The following FBXL18 variants were observed in gnomAD, a reference collection of about 807,000 sequenced individuals.
FBXL18 encodes the protein F-box and leucine rich repeat protein 18, also known as F-box/LRR-repeat protein 18.
A neutral mutation model predicts 46.0 loss-of-function variants in FBXL18; 36 were observed. The ratio of observed to expected loss-of-function variants is 0.78; its 90% CI spans 0.60 to 1.03. The LOEUF is 1.03. FBXL18 is among the 50% of genes least tolerant of loss of function. The pLI is 0.00. For missense variants in FBXL18, 977 were observed against 1,004.1 expected (o/e 0.97, Z 0.36); for synonymous variants, 557 against 465.3 (o/e 1.20, Z -2.54).
chr7:5,455,379 C>T lies in FBXL18; in HGVS notation c.2001-7536G>A, dbSNP rs529416227. Among the ~76,000 whole-genome samples, 72 of 151,950 alleles carry T rather than the reference C, an allele frequency of 4.7e-4. No homozygotes were observed. Among genetic ancestry groups the T allele is most frequent in the African/African-American group, 1.7e-3 (71 of 41,440 alleles). On this transcript the variant is annotated intron_variant and NMD_transcript_variant, in intron 4 of 6. Transcript: ENST00000415009. The surrounding 1 kb of genome is among the most constrained non-coding windows in gnomAD (Gnocchi z 4.6). ...CTCAGGCCACATACTTGGGGAGCACCCTCAGGGAAGTACTCTAGGGAGTAC... is the reference window on the plus strand; with the variant it reads ...CTCAGGCCACATACTTGGGGAGCACTCTCAGGGAAGTACTCTAGGGAGTAC...
intron 4 of FBXL18, among the ~76,000 whole-genome samples, chr7:5,468,996 TGA>T (rs371328706): frequency 0.092 from 2,001 of 21,824 alleles, 44 homozygotes; most frequent in African/African-American, 0.2. Flanking sequence ...GTGTGTGAAT[TGA>T]GAGTGTGTGG....
rs748154489 is a variant in FBXL18, at chr7:5,501,631, A to G, written c.638T>C (p.Leu213Pro). The change falls in exon 3 of 5, where the codon CTC (leucine) becomes CCC (proline). Residue 213 changes from leucine to proline, a missense_variant. Transcript: ENST00000382368. ...CTGGCCCACCATAAGCTGGCCCGAG[A>G]GGATGGCGCCCTCGCGCGTGCGGTC... is the stretch of plus-strand genomic sequence containing the variant. ...ILDRTREGAI[L>P]SGQLMVGQSN... 6.8e-6 allele frequency: 11 copies of G among 1,613,612 alleles called. No individual in the cohort carries two copies. The highest frequency in any genetic ancestry group is 9.3e-6 in the Non-Finnish European group (11 of 1,179,884).
At chr7:5,471,991 G>T (rs894626028), downstream of FBXL18, among the ~76,000 whole-genome samples, 1 of 152,150 alleles carries the variant, frequency 6.6e-6, no homozygotes, top group African/African-American at 2.4e-5. Context: ...GGGAGGCTGG[G>T]GCAGGAAGAT....
chr7:5,494,757 G>A (rs1219189414), intron 3 of FBXL18, among the ~76,000 whole-genome samples: 1 of 152,202 alleles, frequency 6.6e-6, no homozygotes, highest in Non-Finnish European at 1.5e-5. Context: ...ATGGAAACGG[G>A]GCGTTGGGCA....
intron 1 of FBXL18, among the ~76,000 whole-genome samples, chr7:5,511,990 C>A (rs1160539588): frequency 6.6e-6 from 1 of 151,284 alleles, no homozygotes; most frequent in Non-Finnish European, 1.5e-5. Flanking sequence ...AATCTCAGCA[C>A]TTTGGGAGGC....
intron 3 of FBXL18, among the ~76,000 whole-genome samples, chr7:5,491,838 A>G (rs1274914950): frequency 6.6e-6 from 1 of 152,164 alleles, no homozygotes; most frequent in Non-Finnish European, 1.5e-5. Context: ...GACCCCACAC[A>G]TGGCCCCTGC....
At chr7:5,484,147 T>C (rs7794186) in intron 4 of FBXL18, among the ~76,000 whole-genome samples, 67 of 152,198 alleles carry the variant, frequency 4.4e-4, no homozygotes, top group African/African-American at 1.6e-3. Context: ...CTCCACCCCC[T>C]CTGGCTCCAG....
At chr7:5,470,844 C>T (rs1321456353), downstream of FBXL18, among the ~76,000 whole-genome samples, 4 of 152,156 alleles carry the variant, frequency 2.6e-5, no homozygotes, top group Non-Finnish European at 5.9e-5. Context: ...TCCTCCTTCA[C>T]CCAAGGCCTG....
intron 1 of FBXL18, 112 bp downstream of exon 1, chr7:5,513,545 G>A: frequency 5.8e-6 from 7 of 1,214,930 alleles, no homozygotes; most frequent in Non-Finnish European, 8.4e-6. Flanking sequence ...GGACGGGGCG[G>A]GGTAGGGGTC....
In FBXL18 at chr7:5,500,603, G is replaced by A. The variant is rs1784210449; in HGVS notation, c.1666C>T (p.Gln556Ter). The change falls in exon 3 of 5, where the codon CAG (glutamine) becomes TAG (stop). Residue 556 changes from glutamine (Q) to a stop codon, truncating the protein, a stop_gained. Coordinates refer to ENST00000382368, the MANE Select transcript of FBXL18 (RefSeq NM_024963.6). LOFTEE classifies it high-confidence loss of function. ...GACAGGGACCGCAACTGCTGGCACT[G>A]CAGGCCGATATTGACCAGCCCGGAG... ...TGSGLVNIGLQCQQLRSLSLA... is the reference protein window; with the variant it reads ...TGSGLVNIGL 1.2e-6 allele frequency: 2 copies of A among 1,613,418 alleles called. No homozygotes were observed. Among genetic ancestry groups the A allele is most frequent in the Non-Finnish European group, 1.7e-6 (2 of 1,179,892 alleles).
chr7:5,458,071 C>A (rs1268901554), intron 4 of FBXL18, among the ~76,000 whole-genome samples: 2 of 147,502 alleles, frequency 1.4e-5, no homozygotes, highest in African/African-American at 5.0e-5. Context: ...CATTTCACTT[C>A]CTTAAAAAAA....
At chr7:5,508,431 G>T (rs1183358091) in intron 1 of FBXL18, among the ~76,000 whole-genome samples, 1 of 138,596 alleles carries the variant, frequency 7.2e-6, no homozygotes, top group Non-Finnish European at 1.6e-5. Context: ...AACAGAGCGA[G>T]ACTTTGTCTA....
At chr7:5,513,415 C>A (rs985458902) in intron 1 of FBXL18, among the ~76,000 whole-genome samples, 1 of 152,052 alleles carries the variant, frequency 6.6e-6, no homozygotes, top group African/African-American at 2.4e-5. Context: ...ACAACTCTGG[C>A]GATCAGGAAT....
downstream of FBXL18, among the ~76,000 whole-genome samples, chr7:5,472,602 AGAGGCCACAC>A (rs1170315017): frequency 6.6e-6 from 1 of 152,024 alleles, no homozygotes; most frequent in Non-Finnish European, 1.5e-5. Context: ...GGTCTCATGG[AGAGGCCACAC>A]GAGGCCACAT....
rs113642716 is a variant in FBXL18 at position 5,494,165 on chromosome 7, G to A, written c.1782-2716C>T. 4.2e-3 allele frequency among the ~76,000 whole-genome samples: 638 copies of A among 152,176 alleles called. 5 individuals are homozygous for A. Among genetic ancestry groups the A allele is most frequent in the African/African-American group, 0.015 (619 of 41,522 alleles). ...CACACACCTGTAATCCCAGCTACTC[G>A]GGAGGCTGAGGCAGGAAAATCGTTT... On this transcript the variant is annotated intron_variant, in intron 3 of 4. Coordinates refer to ENST00000382368, the MANE Select transcript of FBXL18 (RefSeq NM_024963.6).
Position 5,486,097 on chromosome 7 carries a change from ATAAAAAT to A in FBXL18, c.2001-4173_2001-4167del, listed in dbSNP as rs1468811540. ...AATAAATAAATAAATAAATAAATAAATAAAAATTTAGCTGGGCGTGCTGGCGCATGCC... is the reference window on the plus strand; with the variant it reads ...AATAAATAAATAAATAAATAAATAAATTAGCTGGGCGTGCTGGCGCATGCC... On this transcript the variant is annotated intron_variant, in intron 4 of 4. Coordinates refer to ENST00000382368, the MANE Select transcript of FBXL18 (RefSeq NM_024963.6). Among the ~76,000 whole-genome samples the A allele has an allele frequency of 2.9e-4, 35 of 119,728 alleles. 1 individual carries two copies. In the East Asian group the frequency reaches 9.5e-3, roughly 33 times the overall value. The allele number at this position is 119,728 out of a possible 152,430, so 78.5% of individuals were successfully genotyped here. A position where few individuals can be genotyped will look rare whatever the true frequency, so the allele number is the denominator to read the frequency against.
intron 4 of FBXL18, among the ~76,000 whole-genome samples, chr7:5,488,226 G>T (rs1783825779): frequency 6.6e-6 from 1 of 152,264 alleles, no homozygotes; most frequent in South Asian, 2.1e-4. Context: ...CGGCCTGCAA[G>T]GGGCGGCATG....
intron 3 of FBXL18, among the ~76,000 whole-genome samples, chr7:5,499,695 C>A (rs1784178181): frequency 6.8e-6 from 1 of 147,178 alleles, no homozygotes; most frequent in African/African-American, 2.5e-5. Context: ...CGCGCCACTG[C>A]ACTCCAGCCT....
chr7:5,492,471 G>A (rs1057480225), intron 3 of FBXL18, among the ~76,000 whole-genome samples: 6 of 151,682 alleles, frequency 4.0e-5, no homozygotes, highest in African/African-American at 7.3e-5. Context: ...CTCCCGGGGT[G>A]GGGGGAGGAG....
Sources: allele counts gnomAD v4.1 joint callset (sites outside exome capture counted in the v4.1 genomes callset), GRCh38; gene constraint gnomAD v4.1.1; non-coding constraint Gnocchi (gnomAD v3.1); transcripts MANE v1.5; gene names NCBI Gene and HGNC (gene_info 2026-07-23, HGNC 2026-07-21).